CDK7: variants seen among roughly 807,000 people sequenced by gnomAD.
CDK7 encodes cyclin-dependent kinase 7.
CDK7 carries 25 observed loss-of-function variants against 49.1 expected under a neutral mutation model. The observed-to-expected ratio is 0.51, with a 90% CI of 0.37 to 0.71. CDK7 has a LOEUF of 0.71. Ranked by LOEUF, CDK7 falls within the 30% of genes least tolerant of loss-of-function variation. CDK7 has a pLI of 0.00. For missense variants in CDK7, 316 were observed against 411.7 expected (o/e 0.77, Z 2.01); for synonymous variants, 107 against 140.0 (o/e 0.76, Z 1.67).
chr5:69,252,424 C>T lies in CDK7; in HGVS notation c.133C>T (p.Leu45Phe). ...TTTTTTCCGTTTCTACCAGATCAAA[C>T]TTGGACATAGATCAGAAGCTAAAGA... ...NQIVAIKKIK[L>F]GHRSEAKDGI... The change falls in exon 3 of 12, where the codon CTT becomes TTT. Residue 45 changes from leucine (L) to phenylalanine (F), a missense_variant. Physicochemically the swap from Leu to Phe is conservative, Grantham distance 22. Transcript: ENST00000256443. 1 of 1,528,172 alleles carries T rather than the reference C, an allele frequency of 6.5e-7. No individual in the cohort carries two copies. The highest frequency in any genetic ancestry group is 8.8e-7 in the Non-Finnish European group (1 of 1,130,908). 94.7% of individuals were successfully genotyped at this position (1,528,172 alleles called of 1,614,324 possible).
intron 10 of CDK7, among the ~76,000 whole-genome samples, chr5:69,274,086 T>G (rs965217428): frequency 1.3e-5 from 2 of 152,240 alleles, no homozygotes; most frequent in Non-Finnish European, 2.9e-5. Flanking sequence ...ATGTATATTA[T>G]TTCCATCATA....
chr5:69,261,486 TTC>T (rs200189016), intron 7 of CDK7, among the ~76,000 whole-genome samples: 12,924 of 139,308 alleles, frequency 0.093, 761 homozygotes, highest in South Asian at 0.16. Flanking sequence ...ATTGAAAAGG[TTC>T]TCTGTGTGTG....
At chr5:69,244,828 A>G (rs1040762294) in intron 2 of CDK7, among the ~76,000 whole-genome samples, 2 of 152,084 alleles carry the variant, frequency 1.3e-5, no homozygotes, top group African/African-American at 2.4e-5. Context: ...TCTGTAGTAT[A>G]TGGCTTTTAT....
chr5:69,276,567 A>C lies in CDK7; in HGVS notation c.889A>C (p.Asn297His). The C allele has an allele frequency of 6.2e-7, 1 of 1,613,378 alleles. No homozygotes were observed. ...TQALKMKYFS[N>H]RPGPTPGCQL... ...GGCACTGAAAATGAAGTATTTCAGT[A>C]ATCGGCCAGGGCCAACACCTGGATG... Residue 297 changes from asparagine to histidine, a missense_variant, in exon 11 of 12, where the codon AAT becomes CAT. Physicochemically the swap from Asn to His is moderately conservative, Grantham distance 68. Transcript: ENST00000256443.
chr5:69,277,354 T>C lies in CDK7; in HGVS notation c.*219T>C. ...GAGTGCAAAAGTGAGAAAAGTTCAA[T>C]ACTCTTGAAATGTAGAATTGAAAAT... On this transcript the variant is annotated 3_prime_UTR_variant, in exon 12 of 12. Coordinates refer to ENST00000256443, the MANE Select transcript of CDK7 (RefSeq NM_001799.4). The C allele has an allele frequency of 2.4e-6, 1 of 408,774 alleles. No individual in the cohort carries two copies. Among genetic ancestry groups the C allele is most frequent in the South Asian group, 9.2e-5 (1 of 10,922 alleles). The allele number at this position is 408,774 out of a possible 1,614,324, so 25.3% of individuals were successfully genotyped here.
intron 10 of CDK7, among the ~76,000 whole-genome samples, chr5:69,275,057 C>G (rs577559023): frequency 7.1e-6 from 1 of 141,744 alleles, no homozygotes; most frequent in Admixed American, 7.2e-5. Flanking sequence ...GGGTGAGACT[C>G]TGTATCCAAA....
intron 9 of CDK7, among the ~76,000 whole-genome samples, chr5:69,271,216 T>C (rs1433919959): frequency 2.0e-5 from 3 of 152,212 alleles, no homozygotes; most frequent in Non-Finnish European, 4.4e-5. Flanking sequence ...CTCTAATGGT[T>C]AATGGTGTTG....
At chr5:69,255,586 A>C (rs770792143) in intron 5 of CDK7, 58 bp downstream of exon 5, 4 of 1,223,428 alleles carry the variant, frequency 3.3e-6, no homozygotes, top group Middle Eastern at 1.9e-4. Context: ...CAAGAACCTA[A>C]ATATTTGTTT....
intron 10 of CDK7, among the ~76,000 whole-genome samples, chr5:69,275,507 G>A (rs560319678): frequency 6.6e-6 from 1 of 152,072 alleles, no homozygotes; most frequent in Non-Finnish European, 1.5e-5. Flanking sequence ...CTCATAATTA[G>A]TATAGGTTGA....
chr5:69,236,799 C>T (rs892483725), intron 2 of CDK7, among the ~76,000 whole-genome samples: 3 of 151,508 alleles, frequency 2.0e-5, no homozygotes, highest in Non-Finnish European at 4.4e-5. Flanking sequence ...CTACAGGAAC[C>T]TGCCACCACG....
intron 7 of CDK7, among the ~76,000 whole-genome samples, chr5:69,261,065 A>G (rs934975608): frequency 6.6e-6 from 1 of 152,012 alleles, no homozygotes; most frequent in Non-Finnish European, 1.5e-5. Flanking sequence ...CGATCCTCCC[A>G]CCTCAGCCTC....
chr5:69,274,561 G>C (rs1004102577), intron 10 of CDK7, among the ~76,000 whole-genome samples: 1 of 152,204 alleles, frequency 6.6e-6, no homozygotes, highest in Non-Finnish European at 1.5e-5. Flanking sequence ...GGTGAGGAAT[G>C]CTTGCAAAGT....
In CDK7 at chr5:69,276,698, TCCC is replaced by T. The variant is rs749515752; in HGVS notation, c.1012+9_1012+11del. The T allele has an allele frequency of 6.2e-6, 10 of 1,607,180 alleles. No homozygotes were observed. The highest frequency in any genetic ancestry group is 8.5e-6 in the Non-Finnish European group (10 of 1,177,908). On this transcript the variant is annotated intron_variant, in intron 11 of 11. Transcript: ENST00000256443. ...CAGAGGCCTTAGAACAAGGTAAGATTCCCACTTTTAAAAGAAATTAAATGAATT... is the reference window on the plus strand; with the variant it reads ...CAGAGGCCTTAGAACAAGGTAAGATTACTTTTAAAAGAAATTAAATGAATT...
At chr5:69,248,802 C>CTTTTTTTTTTTTT (rs70992911) in intron 2 of CDK7, among the ~76,000 whole-genome samples, 22 of 92,244 alleles carry the variant, frequency 2.4e-4, no homozygotes, top group Admixed American at 4.2e-4. Flanking sequence ...TTTTTTTTTT[C>CTTTTTTTTTTTTT]TTTTTTTTTT....
intron 6 of CDK7, 55 bp from the exon 7 acceptor site, chr5:69,259,763 T>C: frequency 9.2e-7 from 1 of 1,092,838 alleles, no homozygotes; most frequent in South Asian, 1.3e-5. Flanking sequence ...AATGTAGCAC[T>C]ACAGTGTTCT....
chr5:69,261,907 A>C (rs1750852667), intron 7 of CDK7, among the ~76,000 whole-genome samples: 1 of 152,214 alleles, frequency 6.6e-6, no homozygotes, highest in Admixed American at 6.5e-5. Context: ...TGGGCAGAGA[A>C]TGAGGAGGCA....
chr5:69,270,673 T>C (rs1751468720), intron 9 of CDK7, among the ~76,000 whole-genome samples: 1 of 152,240 alleles, frequency 6.6e-6, no homozygotes, highest in South Asian at 2.1e-4. Context: ...TCCAGCTCTG[T>C]AATTTTGTCA....
chr5:69,257,412 GC>G (rs1460109908), intron 5 of CDK7, among the ~76,000 whole-genome samples: 1 of 152,084 alleles, frequency 6.6e-6, no homozygotes, highest in Non-Finnish European at 1.5e-5. Flanking sequence ...CATAAATAAT[GC>G]CATCAAAACT....
Position 69,234,891 on chromosome 5 carries a change from G to T in CDK7, c.-85G>T, listed in dbSNP as rs1748836405. ...GACGGAGCCCGGTGGACGGAAGTGGGTGTTGGAGGCTTTAAGGTAGCTTTA... is the reference window on the plus strand; with the variant it reads ...GACGGAGCCCGGTGGACGGAAGTGGTTGTTGGAGGCTTTAAGGTAGCTTTA... On this transcript the variant is annotated 5_prime_UTR_variant, in exon 1 of 12. Transcript: ENST00000256443. The T allele has an allele frequency of 3.2e-5, 42 of 1,319,006 alleles. No homozygotes were observed. Among genetic ancestry groups the T allele is most frequent in the Non-Finnish European group, 4.4e-5 (41 of 936,668 alleles). 81.7% of individuals were successfully genotyped at this position (1,319,006 alleles called of 1,614,324 possible).
Sources: allele counts gnomAD v4.1 joint callset (sites outside exome capture counted in the v4.1 genomes callset), GRCh38; gene constraint gnomAD v4.1.1; transcripts MANE v1.5; gene names NCBI Gene and HGNC (gene_info 2026-07-23, HGNC 2026-07-21).